The following FAM163A variants were observed in gnomAD, a reference collection of about 807,000 sequenced individuals.
FAM163A encodes family with sequence similarity 163 member A, also known as protein FAM163A.
A neutral mutation model predicts 12.0 loss-of-function variants in FAM163A; 7 were observed. That is an observed-to-expected ratio of 0.58 (90% CI 0.33 to 1.10). The LOEUF is 1.10. FAM163A is among the 50% of genes least tolerant of loss of function. FAM163A has a pLI of 0.03. For missense variants in FAM163A, 202 were observed against 218.6 expected (o/e 0.92, Z 0.48); for synonymous variants, 101 against 91.0 (o/e 1.11, Z -0.62).
intron 1 of FAM163A, among the ~76,000 whole-genome samples, chr1:179,787,474 T>G (rs1000670511): frequency 6.6e-6 from 1 of 152,214 alleles, no homozygotes; most frequent in African/African-American, 2.4e-5. Context: ...TAAATGGTTC[T>G]GTAATCAAAT....
At chr1:179,737,775 CAG>C in the FAM163A span, among the ~76,000 whole-genome samples, 1 of 151,338 alleles carries the variant, frequency 6.6e-6, no homozygotes, top group African/African-American at 2.4e-5. Context: ...GCAGAGCTTG[CAG>C]AGAGTGGAGA....
At chr1:179,783,943 C>T (rs1317527128) in intron 1 of FAM163A, among the ~76,000 whole-genome samples, 2 of 151,430 alleles carry the variant, frequency 1.3e-5, no homozygotes, top group East Asian at 1.9e-4. Context: ...AACATTTTCC[C>T]GATTATACCT....
chr1:179,770,727 C>G (rs1372603609), intron 1 of FAM163A, among the ~76,000 whole-genome samples: 1 of 152,158 alleles, frequency 6.6e-6, no homozygotes, highest in Non-Finnish European at 1.5e-5. Flanking sequence ...TCAGCTGAAC[C>G]TCGCTTCCTC....
upstream of FAM163A, chr1:179,742,755 C>A (rs114643609): frequency 0.022 from 3,283 of 152,512 alleles, 49 homozygotes; most frequent in Non-Finnish European, 0.034. Context: ...TCCCTTCCTG[C>A]CTCTTCCTGC....
At chr1:179,769,144 T>C (rs897318488) in intron 1 of FAM163A, among the ~76,000 whole-genome samples, 2 of 152,164 alleles carry the variant, frequency 1.3e-5, no homozygotes, top group African/African-American at 2.4e-5. Context: ...TTTTTATTTA[T>C]TTATTTACTT....
chr1:179,746,775 G>A (rs979861199), intron 1 of FAM163A, among the ~76,000 whole-genome samples: 3 of 152,036 alleles, frequency 2.0e-5, no homozygotes, highest in African/African-American at 7.2e-5. Context: ...ACCCCCTTTT[G>A]GTTGCTTGAG....
At position 179,779,788 on chromosome 1, in the gene FAM163A, C is replaced by T. The variant is rs192765985; in HGVS notation, c.-135-28010C>T. ...GTGGAGCTTTAACTCTGGGAATCCA[C>T]GTGAATGATAAAGTGGAGGATATGT... is the stretch of plus-strand genomic sequence containing the variant. On this transcript the variant is annotated intron_variant, in intron 1 of 4. Coordinates refer to ENST00000341785, the MANE Select transcript of FAM163A (RefSeq NM_173509.3). Among the ~76,000 whole-genome samples the T allele has an allele frequency of 1.2e-3, 178 of 152,270 alleles. 1 individual carries two copies. Among genetic ancestry groups the T allele is most frequent in the African/African-American group, 4.0e-3 (166 of 41,544 alleles).
intron 1 of FAM163A, among the ~76,000 whole-genome samples, chr1:179,793,764 C>T (rs1691862460): frequency 6.6e-6 from 1 of 152,236 alleles, no homozygotes; most frequent in Non-Finnish European, 1.5e-5. Context: ...AAAGCAACAG[C>T]CCTGCCACAG....
chr1:179,763,465 T>G (rs1687083450), intron 1 of FAM163A, among the ~76,000 whole-genome samples: 1 of 152,160 alleles, frequency 6.6e-6, no homozygotes, highest in Non-Finnish European at 1.5e-5. Flanking sequence ...GCCATCGAAA[T>G]AATTGTAAAA....
intron 4 of FAM163A, 93 bp downstream of exon 4, chr1:179,813,283 C>T: frequency 8.6e-7 from 1 of 1,168,206 alleles, no homozygotes; most frequent in Non-Finnish European, 1.2e-6. Context: ...GACTTCAGGG[C>T]CCACAGAGCC....
intron 1 of FAM163A, among the ~76,000 whole-genome samples, chr1:179,787,468 TG>T (rs1690804921): frequency 6.6e-6 from 1 of 152,150 alleles, no homozygotes; most frequent in African/African-American, 2.4e-5. Context: ...TGCAGATAAA[TG>T]GTTCTGTAAT....
At chr1:179,733,934 T>C in the FAM163A span, among the ~76,000 whole-genome samples, 1 of 152,206 alleles carries the variant, frequency 6.6e-6, no homozygotes, top group African/African-American at 2.4e-5. Context: ...AGTTTTCCTC[T>C]TGCCTCATGG....
At chr1:179,783,007 G>A (rs933428139) in intron 1 of FAM163A, among the ~76,000 whole-genome samples, 4 of 152,076 alleles carry the variant, frequency 2.6e-5, no homozygotes, top group African/African-American at 9.7e-5. Context: ...GTGCATGCCT[G>A]TAATCCCAGC....
At chr1:179,808,499 G>A (rs1403635261) in intron 2 of FAM163A, among the ~76,000 whole-genome samples, 2 of 152,240 alleles carry the variant, frequency 1.3e-5, no homozygotes, top group Non-Finnish European at 2.9e-5. Context: ...CCTTTTGGGA[G>A]GCTGGATTGA....
intron 4 of FAM163A, 88 bp downstream of exon 4, chr1:179,813,278 C>A: frequency 8.1e-7 from 1 of 1,227,074 alleles, no homozygotes; most frequent in African/African-American, 1.5e-5. Flanking sequence ...AGGCCGACTT[C>A]AGGGCCCACA....
Position 179,813,865 on chromosome 1 carries a change from C to T in FAM163A, c.180C>T (p.Pro60=), listed in dbSNP as rs542230824. The change falls in exon 5 of 5, where the codon CCC becomes CCT. Residue 60 remains proline, a synonymous_variant. Coordinates refer to ENST00000341785, the MANE Select transcript of FAM163A (RefSeq NM_173509.3). The part of the protein sequence containing the change: ...EHDLPTHPRG[P]TCNACSSQAL... ...ACCTTCCCACGCATCCCAGAGGCCC[C>T]ACCTGCAATGCCTGCAGCTCCCAAG... The T allele has an allele frequency of 6.2e-6, 10 of 1,614,014 alleles. No individual in the cohort carries two copies. In the African/African-American group the frequency reaches 9.3e-5, roughly 15 times the overall value.
At chr1:179,767,732 T>C (rs1337493923) in intron 1 of FAM163A, among the ~76,000 whole-genome samples, 1 of 152,212 alleles carries the variant, frequency 6.6e-6, no homozygotes, top group Non-Finnish European at 1.5e-5. Flanking sequence ...AGGAGAATCC[T>C]GGTGCTCCAA....
chr1:179,750,068 C>T (rs1272851763), intron 1 of FAM163A, among the ~76,000 whole-genome samples: 2 of 152,126 alleles, frequency 1.3e-5, no homozygotes, highest in African/African-American at 2.4e-5. Context: ...CAGGGCTCCA[C>T]AGAAGCGCAG....
At chr1:179,730,006 AC>A in the FAM163A span, among the ~76,000 whole-genome samples, 2 of 152,182 alleles carry the variant, frequency 1.3e-5, no homozygotes, top group Non-Finnish European at 1.5e-5. Context: ...TCAGCCTCCT[AC>A]CTTTGGGATC....
Sources: allele counts gnomAD v4.1 joint callset (sites outside exome capture counted in the v4.1 genomes callset), GRCh38; gene constraint gnomAD v4.1.1; transcripts MANE v1.5; gene names NCBI Gene and HGNC (gene_info 2026-07-23, HGNC 2026-07-21).